Variants in LRP1B observed in about 807,000 individuals in gnomAD.
LRP1B encodes the protein low-density lipoprotein receptor-related protein 1B.
Under a neutral mutation model 556.6 loss-of-function variants are expected in LRP1B, and 217 were observed. That is an observed-to-expected ratio of 0.39 (90% CI 0.35 to 0.44). The LOEUF is 0.44. Among genes scored for constraint, LRP1B ranks in the 20% least tolerant of loss-of-function variants. The pLI, the probability that LRP1B is intolerant of heterozygous loss-of-function variation, is 1.00. For missense variants in LRP1B, 5,053 were observed against 5,620.8 expected, an observed-to-expected ratio of 0.90 and a Z score of 3.23; for synonymous variants, 2,047 against 1,865.8, an observed-to-expected ratio of 1.10 and a Z score of -2.50.
chr2:141,102,135 G>A lies in LRP1B; in HGVS notation c.1014-39862C>T, dbSNP rs866999748. ...GTTGCTTATACAGAGCTGGATCAGG[G>A]ATCCAAGCCTCTCCACTCCCAAGTG... On this transcript the variant is annotated intron_variant, in intron 7 of 90. Transcript: ENST00000389484. Among the ~76,000 whole-genome samples, 4 of 152,196 alleles carry A rather than the reference G, an allele frequency of 2.6e-5. No homozygotes were observed. In the East Asian group the frequency reaches 5.8e-4, roughly 22 times the overall value.
At chr2:141,226,335 G>A (rs899180273) in intron 6 of LRP1B, among the ~76,000 whole-genome samples, 2 of 152,068 alleles carry the variant, frequency 1.3e-5, no homozygotes, top group African/African-American at 4.8e-5. Flanking sequence ...TTATAAAACA[G>A]GAAGGGCATA....
chr2:141,111,889 T>TA (rs1347513847), intron 7 of LRP1B, among the ~76,000 whole-genome samples: 2 of 151,308 alleles, frequency 1.3e-5, no homozygotes, highest in Non-Finnish European at 2.9e-5. Flanking sequence ...ACCAAAAATA[T>TA]AAAAAAATTA....
chr2:141,595,631 A>C (rs1039548138), intron 2 of LRP1B, among the ~76,000 whole-genome samples: 2 of 152,152 alleles, frequency 1.3e-5, no homozygotes, highest in African/African-American at 4.8e-5. Context: ...ATAATTTAGA[A>C]AAATTCTGCA....
chr2:140,850,053 A>G (rs1163950041), intron 29 of LRP1B, 49 bp downstream of exon 29: 1 of 1,181,042 alleles, frequency 8.5e-7, no homozygotes, highest in South Asian at 1.3e-5. Flanking sequence ...GATTATTACA[A>G]ACTGAATAAC....
At position 140,527,382 on chromosome 2, in the gene LRP1B, C is replaced by A. The variant is rs148511046; in HGVS notation, c.7763-1032G>T. ...TACTAGTGTTGATATTTTAAAGAGCCTATTTAATTATAAATAGAAATTATA... is the reference window on the plus strand; with the variant it reads ...TACTAGTGTTGATATTTTAAAGAGCATATTTAATTATAAATAGAAATTATA... On this transcript the variant is annotated intron_variant, in intron 47 of 90. Coordinates refer to ENST00000389484, the MANE Select transcript of LRP1B (RefSeq NM_018557.3). Among the ~76,000 whole-genome samples the A allele has an allele frequency of 9.5e-3, 1,439 of 151,708 alleles. 19 individuals are homozygous for A. The highest frequency in any genetic ancestry group is 0.031 in the African/African-American group (1,270 of 41,420).
chr2:140,669,559 C>T (rs550866967), intron 41 of LRP1B, among the ~76,000 whole-genome samples: 77 of 152,214 alleles, frequency 5.1e-4, no homozygotes, highest in African/African-American at 1.7e-3. Flanking sequence ...TATCATTTTT[C>T]GATTAACATT....
chr2:140,982,680 A>G (rs1042329777), intron 17 of LRP1B, among the ~76,000 whole-genome samples: 1 of 152,170 alleles, frequency 6.6e-6, no homozygotes, highest in Non-Finnish European at 1.5e-5. Flanking sequence ...CTTTTTTTGT[A>G]GTATTGTAGA....
rs141664994 is a variant in LRP1B at position 141,479,271 on chromosome 2, A to G, written c.343+1125T>C. Reference sequence around the variant, plus strand: ...AGACCTGGAAAACTGTCAGCCAACAAGACCTGTCAGGCCCCCAGACAGGTT... The same window carrying G: ...AGACCTGGAAAACTGTCAGCCAACAGGACCTGTCAGGCCCCCAGACAGGTT... On this transcript the variant is annotated intron_variant, in intron 3 of 90. Coordinates refer to ENST00000389484, the MANE Select transcript of LRP1B (RefSeq NM_018557.3). Among the ~76,000 whole-genome samples the G allele has an allele frequency of 3.6e-3, 545 of 152,308 alleles. 3 individuals are homozygous for G. Among genetic ancestry groups the G allele is most frequent in the Non-Finnish European group, 4.4e-3 (302 of 68,028 alleles).
At chr2:141,711,508 G>C (rs1177722451) in intron 2 of LRP1B, among the ~76,000 whole-genome samples, 1 of 152,192 alleles carries the variant, frequency 6.6e-6, no homozygotes, top group Non-Finnish European at 1.5e-5. Flanking sequence ...GACAGCAAGA[G>C]CCATGGAGAA....
At chr2:140,554,918 CT>C (rs1048761895) in intron 43 of LRP1B, among the ~76,000 whole-genome samples, 4 of 148,868 alleles carry the variant, frequency 2.7e-5, no homozygotes, top group African/African-American at 9.9e-5. Context: ...AGGCTTTGTA[CT>C]TTATTTGCGT....
chr2:140,246,263 G>A (rs1681156212), intron 87 of LRP1B, among the ~76,000 whole-genome samples: 2 of 151,248 alleles, frequency 1.3e-5, no homozygotes, highest in Non-Finnish European at 3.0e-5. Flanking sequence ...AATTGCTAAG[G>A]TAAGCAATCT....
intron 89 of LRP1B, 64 bp from the exon 90 acceptor site, chr2:140,234,948 A>G: frequency 5.7e-6 from 4 of 704,136 alleles, no homozygotes; most frequent in Non-Finnish European, 1.0e-5. Flanking sequence ...TCATCGATAC[A>G]TATCATGTTA....
intron 17 of LRP1B, among the ~76,000 whole-genome samples, chr2:140,987,149 C>T (rs1191960850): frequency 2.6e-5 from 4 of 152,024 alleles, no homozygotes; most frequent in African/African-American, 4.8e-5. Flanking sequence ...TACTTCATTG[C>T]TTACAAAGCA....
In LRP1B at chr2:140,850,282, C is replaced by T. The variant is rs776629743; in HGVS notation, c.4759G>A (p.Val1587Met). Reference sequence around the variant, plus strand: ...TTAAAGTATGGATTGTCAATATCCACTCCTCTGATTTCAGAACGTCTTGCA... The same window carrying T: ...TTAAAGTATGGATTGTCAATATCCATTCCTCTGATTTCAGAACGTCTTGCA... ...LYARRSEIRG[V>M]DIDNPYFNFI... Residue 1587 changes from valine to methionine, a missense_variant, in exon 29 of 91, where the codon GTG becomes ATG. Coordinates refer to ENST00000389484, the MANE Select transcript of LRP1B (RefSeq NM_018557.3). 48 of 1,613,190 alleles carry T rather than the reference C, an allele frequency of 3.0e-5. No homozygotes were observed. The highest frequency in any genetic ancestry group is 4.0e-5 in the Non-Finnish European group (47 of 1,179,450).
intron 84 of LRP1B, among the ~76,000 whole-genome samples, chr2:140,289,169 A>G (rs572091574): frequency 6.6e-6 from 1 of 152,142 alleles, no homozygotes; most frequent in African/African-American, 2.4e-5. Context: ...AAGTTTATCA[A>G]TAGTTTAATT....
At chr2:141,639,821 A>G (rs1220772389) in intron 2 of LRP1B, among the ~76,000 whole-genome samples, 1 of 152,024 alleles carries the variant, frequency 6.6e-6, no homozygotes, top group Non-Finnish European at 1.5e-5. Context: ...GATTTTTTTT[A>G]CACATGTGTT....
At position 140,298,017 on chromosome 2, in the gene LRP1B, G is replaced by A. The variant is rs546295288; in HGVS notation, c.12806-48C>T. 1.1e-5 allele frequency: 16 copies of A among 1,508,430 alleles called. No homozygotes were observed. In the South Asian group the frequency reaches 1.6e-4, roughly 15 times the overall value. 93.4% of individuals were successfully genotyped at this position (1,508,430 alleles called of 1,614,324 possible). A position where few individuals can be genotyped will look rare whatever the true frequency, so the allele number is the denominator to read the frequency against. On this transcript the variant is annotated intron_variant, in intron 83 of 90. Transcript: ENST00000389484. ...AAAAGCAAATTATTCAACCAAAATA[G>A]TTTATTTTCAAGGAATTTTCATGGG...
intron 1 of LRP1B, among the ~76,000 whole-genome samples, chr2:141,982,817 A>G (rs1235330609): frequency 6.6e-6 from 1 of 152,158 alleles, no homozygotes; most frequent in Non-Finnish European, 1.5e-5. Context: ...GTGGCCTGAA[A>G]AGTTGTATGA....
At chr2:141,031,854 T>A (rs1357308710) in intron 11 of LRP1B, among the ~76,000 whole-genome samples, 2 of 151,740 alleles carry the variant, frequency 1.3e-5, no homozygotes, top group Admixed American at 1.3e-4. Flanking sequence ...AGATTTTTTT[T>A]AAGCAATCAT....
Sources: gnomAD v4.1 joint callset for allele counts (sites outside exome capture counted in the v4.1 genomes callset) on GRCh38, gnomAD v4.1.1 for gene constraint, MANE v1.5 for transcripts, NCBI Gene and HGNC (gene_info 2026-07-23, HGNC 2026-07-21) for gene names.